The following ELMO1 variants were observed in gnomAD, a reference collection of about 807,000 sequenced individuals.
ELMO1 encodes the protein engulfment and cell motility protein 1.
Under a neutral mutation model 98.9 loss-of-function variants are expected in ELMO1, and 26 were observed. That is an observed-to-expected ratio of 0.26 (90% CI 0.19 to 0.36). The LOEUF (loss-of-function observed/expected upper bound fraction) is 0.36. ELMO1 is among the 10% of genes least tolerant of loss of function. The pLI is 1.00. For missense variants in ELMO1, 627 were observed against 935.2 expected, an observed-to-expected ratio of 0.67 and a Z score of 4.30; for synonymous variants, 346 against 346.0, an observed-to-expected ratio of 1.00 and a Z score of 0.00.
chr7:37,314,812 C>T, intron 4 of ELMO1, 38 bp downstream of exon 4: 1 of 1,555,036 alleles, frequency 6.4e-7, no homozygotes, highest in East Asian at 2.2e-5. Context: ...TACTTTCCTT[C>T]AATATGTATC....
chr7:37,108,077 A>C (rs144668553), intron 14 of ELMO1, among the ~76,000 whole-genome samples: 4 of 152,242 alleles, frequency 2.6e-5, no homozygotes, highest in Admixed American at 6.5e-5. Context: ...AAATTGACTG[A>C]AACCTAATTA....
intron 1 of ELMO1, among the ~76,000 whole-genome samples, chr7:37,406,694 G>A (rs13234297): frequency 0.067 from 10,164 of 151,922 alleles, 571 homozygotes; most frequent in East Asian, 0.15. Context: ...TGCCCGCCTC[G>A]GCCTCCCAAA....
At chr7:37,226,150 C>G (rs1793863634) in intron 8 of ELMO1, among the ~76,000 whole-genome samples, 1 of 152,182 alleles carries the variant, frequency 6.6e-6, no homozygotes, top group Admixed American at 6.5e-5. Flanking sequence ...CAACACTCTG[C>G]CTACCCCAGC....
At chr7:36,997,333 T>C (rs1399820525) in intron 16 of ELMO1, among the ~76,000 whole-genome samples, 2 of 152,234 alleles carry the variant, frequency 1.3e-5, no homozygotes, top group Non-Finnish European at 2.9e-5. Context: ...TGGTGGTATT[T>C]ATGGCCTGAC....
At position 37,191,694 on chromosome 7, in the gene ELMO1, T is replaced by G. The variant is rs373465707; in HGVS notation, c.1086+19692A>C. On this transcript the variant is annotated intron_variant, in intron 13 of 21. Coordinates refer to ENST00000310758, the MANE Select transcript of ELMO1 (RefSeq NM_014800.11). ...CAGCACTTTGGGAGGCCAGGGCAAGTGGATCATGAGGTCAGGAGATCAAGA... is the reference window on the plus strand; with the variant it reads ...CAGCACTTTGGGAGGCCAGGGCAAGGGGATCATGAGGTCAGGAGATCAAGA... Among the ~76,000 whole-genome samples the G allele has an allele frequency of 7.9e-5, 12 of 152,286 alleles. 1 individual carries two copies. The East Asian group carries it at 2.3e-3, about 29-fold the overall frequency.
Position 36,854,193 on chromosome 7 carries a change from G to A in ELMO1, c.*1358C>T, listed in dbSNP as rs1246388090. ...AGCCTATGGTGACCTAGCAATGGTGGAGGGTTTCCCACAGCAGTGTTTTTC... is the reference window on the plus strand; with the variant it reads ...AGCCTATGGTGACCTAGCAATGGTGAAGGGTTTCCCACAGCAGTGTTTTTC... On this transcript the variant is annotated 3_prime_UTR_variant, in exon 22 of 22. Coordinates refer to ENST00000310758, the MANE Select transcript of ELMO1 (RefSeq NM_014800.11). 6.6e-6 allele frequency among the ~76,000 whole-genome samples: 1 copy of A among 152,154 alleles called. No homozygotes were observed. Among genetic ancestry groups the A allele is most frequent in the Non-Finnish European group, 1.5e-5 (1 of 68,032 alleles).
At chr7:37,018,021 A>G (rs1794044163) in intron 15 of ELMO1, among the ~76,000 whole-genome samples, 1 of 152,214 alleles carries the variant, frequency 6.6e-6, no homozygotes, top group Non-Finnish European at 1.5e-5. Context: ...TGTGAAATAT[A>G]TAACTACATA....
intron 15 of ELMO1, among the ~76,000 whole-genome samples, chr7:37,051,040 C>T (rs528878205): frequency 1.2e-4 from 19 of 152,272 alleles, no homozygotes; most frequent in Non-Finnish European, 2.4e-4. Context: ...CTTTCTTTGA[C>T]GTGTTCAGCT....
At chr7:37,228,792 G>A (rs1794007783) in intron 8 of ELMO1, among the ~76,000 whole-genome samples, 1 of 151,988 alleles carries the variant, frequency 6.6e-6, no homozygotes, top group South Asian at 2.1e-4. Context: ...CACGAGGTCA[G>A]GAGATCGGCT....
chr7:37,132,083 G>T (rs536934159), intron 14 of ELMO1, among the ~76,000 whole-genome samples: 54 of 152,052 alleles, frequency 3.6e-4, no homozygotes, highest in Non-Finnish European at 4.1e-4. Flanking sequence ...TACTGTCCCA[G>T]CTAAGAACCA....
chr7:36,891,086 A>G (rs771789103), intron 17 of ELMO1, among the ~76,000 whole-genome samples: 2 of 152,184 alleles, frequency 1.3e-5, no homozygotes, highest in African/African-American at 4.8e-5. Context: ...AGCTACTCTA[A>G]CCAACCTATT....
intron 1 of ELMO1, among the ~76,000 whole-genome samples, chr7:37,417,143 A>G (rs1316907042): frequency 6.6e-6 from 1 of 152,194 alleles, no homozygotes; most frequent in Non-Finnish European, 1.5e-5. Context: ...TGGTGGACAC[A>G]CCACTGAAGA....
At position 37,133,241 on chromosome 7, in the gene ELMO1, GT is replaced by G. The variant is rs775227931; in HGVS notation, c.1087-8del. 24 of 1,598,888 alleles carry G rather than the reference GT, an allele frequency of 1.5e-5. No individual in the cohort carries two copies. Among genetic ancestry groups the G allele is most frequent in the Non-Finnish European group, 2.0e-5 (24 of 1,171,062 alleles). On this transcript the variant is annotated splice_region_variant and splice_polypyrimidine_tract_variant and intron_variant, in intron 13 of 21. Coordinates refer to ENST00000310758, the MANE Select transcript of ELMO1 (RefSeq NM_014800.11). Reference sequence around the variant, plus strand: ...TGGCAGGGTTGACATGATTCTGTGAGTAAAACAAAATCATGATAAGGTGAAT... The same window carrying G: ...TGGCAGGGTTGACATGATTCTGTGAGAAAACAAAATCATGATAAGGTGAAT...
intron 15 of ELMO1, among the ~76,000 whole-genome samples, chr7:37,029,969 G>A (rs903730821): frequency 4.6e-5 from 7 of 151,954 alleles, no homozygotes; most frequent in South Asian, 2.1e-4. Flanking sequence ...ATCAACCCCC[G>A]AAGGTTCTAT....
intron 16 of ELMO1, among the ~76,000 whole-genome samples, chr7:37,003,395 G>A (rs1437671310): frequency 2.0e-5 from 3 of 152,142 alleles, no homozygotes; most frequent in African/African-American, 4.8e-5. Context: ...AGAAAAGAAG[G>A]AGGGAACCAC....
intron 8 of ELMO1, 90 bp from the exon 9 acceptor site, chr7:37,225,120 A>G: frequency 6.6e-7 from 1 of 1,514,712 alleles, no homozygotes; most frequent in Non-Finnish European, 9.0e-7. Context: ...TCGGGAACTC[A>G]TTTAAGAAAC....
chr7:37,176,071 AAC>A (rs1790482136), intron 13 of ELMO1, among the ~76,000 whole-genome samples: 1 of 152,216 alleles, frequency 6.6e-6, no homozygotes, highest in South Asian at 2.1e-4. Flanking sequence ...CTGGTTCTAC[AAC>A]AGTCTTTGGA....
At chr7:37,331,963 A>C (rs968082670) in intron 2 of ELMO1, among the ~76,000 whole-genome samples, 3 of 152,160 alleles carry the variant, frequency 2.0e-5, no homozygotes, top group African/African-American at 7.2e-5. Context: ...GTAGATAAGC[A>C]AGGCAGACAG....
At chr7:37,391,033 TTCC>T (rs1371588782) in intron 1 of ELMO1, among the ~76,000 whole-genome samples, 1 of 150,438 alleles carries the variant, frequency 6.6e-6, no homozygotes, top group Non-Finnish European at 1.5e-5. Flanking sequence ...CCTTCCTTCC[TTCC>T]TTCCTTCCTT....
Sources: allele counts gnomAD v4.1 joint callset (sites outside exome capture counted in the v4.1 genomes callset), GRCh38; gene constraint gnomAD v4.1.1; transcripts MANE v1.5; gene names NCBI Gene and HGNC (gene_info 2026-07-23, HGNC 2026-07-21).